The following SUGCT variants were observed in gnomAD, a reference collection of about 807,000 sequenced individuals.
The protein encoded by SUGCT is succinyl-CoA:glutarate-CoA transferase.
In SUGCT, 41 loss-of-function variants were observed where a neutral mutation model predicts 55.0. The observed-to-expected ratio is 0.74, with a 90% CI of 0.58 to 0.97. The LOEUF (loss-of-function observed/expected upper bound fraction) is 0.97, where lower values mean the gene tolerates loss of function less well. Among genes scored for constraint, SUGCT ranks in the 50% least tolerant of loss-of-function variants. SUGCT has a pLI of 0.00. For missense variants in SUGCT, 568 were observed against 547.8 expected (o/e 1.04, Z -0.37); for synonymous variants, 187 against 200.4 (o/e 0.93, Z 0.56).
At chr7:40,516,523 G>T (rs1374533706) in intron 12 of SUGCT, among the ~76,000 whole-genome samples, 1 of 151,848 alleles carries the variant, frequency 6.6e-6, no homozygotes, top group Admixed American at 6.6e-5. Flanking sequence ...TTTTGTATAG[G>T]GTATGAGGTA....
chr7:40,496,670 C>T (rs1369502310), intron 12 of SUGCT, among the ~76,000 whole-genome samples: 2 of 152,056 alleles, frequency 1.3e-5, no homozygotes, highest in East Asian at 3.8e-4. Flanking sequence ...GAAATATACA[C>T]AATTGAGATA....
chr7:40,681,755 C>T (rs894403541), intron 12 of SUGCT, among the ~76,000 whole-genome samples: 1 of 152,152 alleles, frequency 6.6e-6, no homozygotes, highest in African/African-American at 2.4e-5. Flanking sequence ...GAGGTGGATT[C>T]AAAGCTTTTC....
chr7:40,427,266 G>T (rs1268087457), intron 9 of SUGCT, among the ~76,000 whole-genome samples: 1 of 152,122 alleles, frequency 6.6e-6, no homozygotes, highest in Admixed American at 6.6e-5. Context: ...TAATAATTAT[G>T]ATCCTCTATG....
chr7:40,783,997 A>G (rs1395185313), intron 13 of SUGCT, among the ~76,000 whole-genome samples: 1 of 152,204 alleles, frequency 6.6e-6, no homozygotes, highest in Non-Finnish European at 1.5e-5. Flanking sequence ...AGTGCTAAGC[A>G]TGAGTGTATG....
intron 7 of SUGCT, among the ~76,000 whole-genome samples, chr7:40,242,935 T>TATATATATATATG (rs1562605220): frequency 4.2e-5 from 1 of 23,866 alleles, no homozygotes; most frequent in African/African-American, 2.1e-4. Context: ...ATATATATAT[T>TATATATATATATG]TTTTTTTTTT....
chr7:40,967,801 T>C, the SUGCT span, among the ~76,000 whole-genome samples: 1 of 152,206 alleles, frequency 6.6e-6, no homozygotes, highest in African/African-American at 2.4e-5. Context: ...TTTTTGTATT[T>C]TTAGTAGAGG....
chr7:40,338,724 G>C (rs562258375), intron 9 of SUGCT, among the ~76,000 whole-genome samples: 1 of 151,968 alleles, frequency 6.6e-6, no homozygotes, highest in African/African-American at 2.4e-5. Flanking sequence ...AAGTTTGATC[G>C]TCTGAAGCCT....
intron 13 of SUGCT, among the ~76,000 whole-genome samples, chr7:40,815,569 G>A (rs140091358): frequency 2.6e-3 from 394 of 152,084 alleles, no homozygotes; most frequent in South Asian, 0.013. Flanking sequence ...TTCTCTGCTC[G>A]GGAGGGGCAG....
intron 8 of SUGCT, among the ~76,000 whole-genome samples, chr7:40,275,947 G>A (rs762404248): frequency 6.6e-6 from 1 of 152,274 alleles, no homozygotes; most frequent in Non-Finnish European, 1.5e-5. Flanking sequence ...TTTGTGCAAG[G>A]AGACATTTTA....
intron 12 of SUGCT, among the ~76,000 whole-genome samples, chr7:40,647,496 G>A (rs1196677711): frequency 1.3e-5 from 2 of 152,122 alleles, no homozygotes; most frequent in Admixed American, 6.5e-5. Flanking sequence ...CTAAAATGAT[G>A]TTCTGAGACA....
At chr7:40,853,835 A>G (rs867864724) in intron 13 of SUGCT, among the ~76,000 whole-genome samples, 5 of 152,248 alleles carry the variant, frequency 3.3e-5, no homozygotes, top group Admixed American at 6.5e-5. Flanking sequence ...GCCATAGTCC[A>G]CAGTCATAGC....
intron 9 of SUGCT, among the ~76,000 whole-genome samples, chr7:40,325,819 C>G (rs954988228): frequency 2.0e-5 from 3 of 151,086 alleles, no homozygotes; most frequent in Non-Finnish European, 3.0e-5. Context: ...CAAAACAAAA[C>G]AAACAACAAC....
the SUGCT span, among the ~76,000 whole-genome samples, chr7:40,909,575 GCTA>G: frequency 6.6e-6 from 1 of 152,184 alleles, no homozygotes; most frequent in East Asian, 1.9e-4. Context: ...TACGGGGGAG[GCTA>G]TTCTTAGACA....
the SUGCT span, among the ~76,000 whole-genome samples, chr7:41,025,440 G>A: frequency 2.0e-5 from 3 of 151,678 alleles, no homozygotes; most frequent in Non-Finnish European, 4.4e-5. Flanking sequence ...CGTGATCTCA[G>A]CTCACTGCAA....
chr7:40,986,364 G>GAAAT, the SUGCT span, among the ~76,000 whole-genome samples: 2 of 152,244 alleles, frequency 1.3e-5, no homozygotes, highest in Non-Finnish European at 2.9e-5. Context: ...ACAAGCCAGT[G>GAAAT]AAATAACAAT....
At chr7:40,624,601 C>T (rs1377089716) in intron 12 of SUGCT, among the ~76,000 whole-genome samples, 1 of 152,048 alleles carries the variant, frequency 6.6e-6, no homozygotes, top group Non-Finnish European at 1.5e-5. Context: ...GATAAGCTGC[C>T]TTTTTGAAAA....
At chr7:40,245,423 A>ATTTTTTTTTTTTTT (rs1168316176) in intron 7 of SUGCT, among the ~76,000 whole-genome samples, 1 of 54,592 alleles carries the variant, frequency 1.8e-5, no homozygotes, top group Non-Finnish European at 3.3e-5. Flanking sequence ...ATATATATAT[A>ATTTTTTTTTTTTTT]TTTTTTTTTT....
intron 12 of SUGCT, among the ~76,000 whole-genome samples, chr7:40,689,609 C>T (rs528466546): frequency 6.6e-6 from 1 of 152,276 alleles, no homozygotes; most frequent in East Asian, 1.9e-4. Context: ...ATAGCCAACA[C>T]AGAAAATCTT....
chr7:40,170,143 C>CA (rs1240682581), intron 1 of SUGCT, among the ~76,000 whole-genome samples: 1 of 152,164 alleles, frequency 6.6e-6, no homozygotes, highest in Non-Finnish European at 1.5e-5. Flanking sequence ...TGAGGGTCTA[C>CA]AGTGGGAACT....
Sources: gnomAD v4.1 joint callset for allele counts (sites outside exome capture counted in the v4.1 genomes callset) on GRCh38, gnomAD v4.1.1 for gene constraint, MANE v1.5 for transcripts, NCBI Gene and HGNC (gene_info 2026-07-23, HGNC 2026-07-21) for gene names.